Variants in CENPI observed in about 807,000 individuals in gnomAD.
CENPI encodes the protein FSH primary response 1.
In CENPI, 4 loss-of-function variants were observed where a neutral mutation model predicts 60.4. That is an observed-to-expected ratio of 0.07 (90% CI 0.03 to 0.15). CENPI has a LOEUF of 0.15. Ranked by LOEUF, CENPI falls within the 10% of genes least tolerant of loss-of-function variation. CENPI has a pLI of 1.00. For synonymous variants in CENPI, 157 were observed against 189.4 expected (o/e 0.83, Z 1.40); for missense variants, 444 against 534.5 (o/e 0.83, Z 1.67).
the CENPI span, among the ~76,000 whole-genome samples, chrX:101,171,825 A>G: frequency 8.9e-6 from 1 of 112,159 alleles, no homozygotes; most frequent in African/African-American, 3.2e-5. Context: ...AAAGGCATAC[A>G]TAACAGAAAA....
chrX:101,147,458 C>T (rs958391872), intron 18 of CENPI, among the ~76,000 whole-genome samples: 2 of 109,702 alleles, frequency 1.8e-5, no homozygotes, highest in African/African-American at 6.6e-5. Flanking sequence ...TTGTTCAACT[C>T]CCATTTATGA....
At chrX:101,102,984 C>A (rs1725747716) in intron 4 of CENPI, among the ~76,000 whole-genome samples, 1 of 104,812 alleles carries the variant, frequency 9.5e-6, no homozygotes, top group South Asian at 4.4e-4. Flanking sequence ...GCCACCGTGC[C>A]TGGCCGAGGG....
At position 101,147,804 on chromosome X, in the gene CENPI, T is replaced by C. The variant is rs766605367; in HGVS notation, c.1868T>C (p.Val623Ala). The C allele has an allele frequency of 2.5e-6, 3 of 1,205,894 alleles. No homozygotes were observed. Among genetic ancestry groups the C allele is most frequent in the Non-Finnish European group, 3.4e-6 (3 of 891,515 alleles). Residue 623 changes from valine (V) to alanine (A), a missense_variant, in exon 19 of 22, where the codon GTA (valine) becomes GCA (alanine). By Grantham distance (64) the Val-to-Ala change is moderately conservative. Coordinates refer to ENST00000682095, the MANE Select transcript of CENPI (RefSeq NM_001386188.2). Reference sequence around the variant, plus strand: ...ACTGCCGCAAAGAAAAATGAGTTGGTACAAAAGGTATGAATGAGAAAGCTC... The same window carrying C: ...ACTGCCGCAAAGAAAAATGAGTTGGCACAAAAGGTATGAATGAGAAAGCTC... ...NLTAAKKNELVQKTKSEFNFS... is the reference protein window; with the variant it reads ...NLTAAKKNELAQKTKSEFNFS...
At chrX:101,137,307 G>C (rs1295844233) in intron 15 of CENPI, among the ~76,000 whole-genome samples, 1 of 111,694 alleles carries the variant, frequency 9.0e-6, no homozygotes, top group African/African-American at 3.3e-5. Flanking sequence ...CTCTTCCCTT[G>C]GCGTACATTT....
chrX:101,139,411 A>G (rs971809298), intron 15 of CENPI, among the ~76,000 whole-genome samples: 2 of 111,168 alleles, frequency 1.8e-5, no homozygotes, highest in African/African-American at 6.5e-5. Flanking sequence ...TTTGTTTTCT[A>G]AATGTAACAT....
chrX:101,150,372 T>A (rs989954990), intron 20 of CENPI, among the ~76,000 whole-genome samples: 40 of 109,714 alleles, frequency 3.6e-4, no homozygotes, highest in Admixed American at 1.1e-3. Flanking sequence ...CTTATTATTT[T>A]TTTTTTTTAA....
rs1219051057 is a variant in CENPI, at chrX:101,165,346, A to T, written c.*2379A>T. On this transcript the variant is annotated 3_prime_UTR_variant, in exon 22 of 22. Coordinates refer to ENST00000682095, the MANE Select transcript of CENPI (RefSeq NM_001386188.2). The stretch of plus-strand genomic sequence containing the variant: ...TTTTGGACAAGTGTGATAAATGTTG[A>T]GGTGGGAGGGGTTAGAGGTTGGATT... Among the ~76,000 whole-genome samples, 1 of 111,782 alleles carries T rather than the reference A, an allele frequency of 8.9e-6. No individual in the cohort carries two copies. Among genetic ancestry groups the T allele is most frequent in the Non-Finnish European group, 1.9e-5 (1 of 53,179 alleles).
chrX:101,144,738 G>A (rs996852132), intron 16 of CENPI, among the ~76,000 whole-genome samples: 3 of 110,735 alleles, frequency 2.7e-5, no homozygotes, highest in African/African-American at 9.9e-5. Flanking sequence ...AACTTTTAAT[G>A]GAATACCTAT....
chrX:101,152,266 T>C (rs1005241277), intron 20 of CENPI, among the ~76,000 whole-genome samples: 3 of 109,857 alleles, frequency 2.7e-5, no homozygotes, highest in Admixed American at 9.8e-5. Context: ...GGTTTCACCA[T>C]GTTGGTCAGG....
Position 101,150,671 on chromosome X carries a change from CT to C in CENPI, c.2094+2521del, listed in dbSNP as rs1229021554. 8.7e-3 allele frequency among the ~76,000 whole-genome samples: 913 copies of C among 105,000 alleles called. 8 individuals are homozygous for C. The highest frequency in any genetic ancestry group is 0.029 in the African/African-American group (859 of 29,188). The allele number at this position is 105,000 out of a possible 115,157, so 91.2% of individuals were successfully genotyped here. ...AGGTGTGCGCCACTGTGCCTGGCTA[CT>C]TTTTTTTTTTATTTAATTTTATTTT... is the stretch of plus-strand genomic sequence containing the variant. On this transcript the variant is annotated intron_variant, in intron 20 of 21. Transcript: ENST00000682095.
chrX:101,126,479 TAA>T (rs1202143411), intron 8 of CENPI, among the ~76,000 whole-genome samples: 1 of 111,364 alleles, frequency 9.0e-6, no homozygotes, highest in East Asian at 2.8e-4. Flanking sequence ...AAGGAAGAAG[TAA>T]AGTTGGAAAA....
At chrX:101,176,977 A>G in the CENPI span, among the ~76,000 whole-genome samples, 1 of 111,863 alleles carries the variant, frequency 8.9e-6, no homozygotes, top group Non-Finnish European at 1.9e-5. Flanking sequence ...TTTCCTGGGG[A>G]CAGGAGCACC....
chrX:101,177,293 C>T, the CENPI span, among the ~76,000 whole-genome samples: 2 of 109,353 alleles, frequency 1.8e-5, no homozygotes, highest in South Asian at 3.8e-4. Context: ...GCAAGATAGT[C>T]CTGAGGCCTG....
At chrX:101,142,154 G>A (rs1221011541) in intron 16 of CENPI, among the ~76,000 whole-genome samples, 2 of 111,910 alleles carry the variant, frequency 1.8e-5, no homozygotes, top group Admixed American at 1.9e-4. Context: ...TAACAAAATA[G>A]TAGGTTTGCA....
chrX:101,162,705 TC>T (rs889498890), intron 21 of CENPI, 127 bp from the exon 22 acceptor site: 9 of 675,953 alleles, frequency 1.3e-5, no homozygotes, highest in Middle Eastern at 4.4e-4. Context: ...TGAGCTCATT[TC>T]CCCCCCGAAC....
At chrX:101,175,401 C>G in the CENPI span, among the ~76,000 whole-genome samples, 1 of 112,096 alleles carries the variant, frequency 8.9e-6, no homozygotes, top group African/African-American at 3.2e-5. Context: ...TTAGCCTCTA[C>G]AGTTGCAGGG....
chrX:101,150,678 T>G lies in CENPI; in HGVS notation c.2094+2517T>G, dbSNP rs757800612. ...CGCCACTGTGCCTGGCTACTTTTTTTTTTTATTTAATTTTATTTTGAAATA... is the reference window on the plus strand; with the variant it reads ...CGCCACTGTGCCTGGCTACTTTTTTGTTTTATTTAATTTTATTTTGAAATA... On this transcript the variant is annotated intron_variant, in intron 20 of 21. Transcript: ENST00000682095. Among the ~76,000 whole-genome samples the G allele has an allele frequency of 1.5e-4, 17 of 111,215 alleles. No individual in the cohort carries two copies. In the South Asian group the frequency reaches 5.6e-3, roughly 37 times the overall value.
chrX:101,131,262 T>C (rs770852345), intron 13 of CENPI, among the ~76,000 whole-genome samples: 82 of 111,813 alleles, frequency 7.3e-4, no homozygotes, highest in African/African-American at 2.5e-3. Context: ...CCTTCTGCCT[T>C]GGCTTCCCAA....
intron 20 of CENPI, among the ~76,000 whole-genome samples, chrX:101,152,987 T>C (rs1486157557): frequency 9.2e-6 from 1 of 108,981 alleles, no homozygotes; most frequent in Non-Finnish European, 1.9e-5. Flanking sequence ...GGTAACTCTA[T>C]GTTTAACCAC....
Sources: gnomAD v4.1 joint callset for allele counts (sites outside exome capture counted in the v4.1 genomes callset) on GRCh38, gnomAD v4.1.1 for gene constraint, MANE v1.5 for transcripts, NCBI Gene and HGNC (gene_info 2026-07-23, HGNC 2026-07-21) for gene names.